The following HARS2 variants were observed in gnomAD, a reference collection of about 807,000 sequenced individuals.
The protein encoded by HARS2 is histidine--tRNA ligase, mitochondrial.
In HARS2, 40 loss-of-function variants were observed where a neutral mutation model predicts 62.4. The observed-to-expected ratio is 0.64, with a 90% CI of 0.50 to 0.83. HARS2 has a LOEUF of 0.83. Ranked by LOEUF, HARS2 falls within the 40% of genes least tolerant of loss-of-function variation. The pLI, the probability that HARS2 is intolerant of heterozygous loss-of-function variation, is 0.00. For missense variants in HARS2, 569 were observed against 626.4 expected (o/e 0.91, Z 0.98); for synonymous variants, 228 against 227.0 (o/e 1.00, Z -0.04).
rs1441036971 is a variant in HARS2, at chr5:140,691,499, C to T, written c.-150C>T. On this transcript the variant is annotated 5_prime_UTR_variant, in exon 1 of 13. Transcript: ENST00000230771. ...GGAACTTGGGAGGATCCCACCTCAGCCTTCGTGACTAGTGAGGTGCGCAAA... is the reference window on the plus strand; with the variant it reads ...GGAACTTGGGAGGATCCCACCTCAGTCTTCGTGACTAGTGAGGTGCGCAAA... The T allele has an allele frequency of 1.4e-5, 10 of 729,262 alleles. No individual in the cohort carries two copies. The highest frequency in any genetic ancestry group is 4.2e-5 in the Admixed American group (2 of 47,264). 45.2% of individuals were successfully genotyped at this position (729,262 alleles called of 1,614,324 possible). A position where few individuals can be genotyped will look rare whatever the true frequency, so the allele number is the denominator to read the frequency against.
chr5:140,693,556 A>G (rs1380616803), intron 1 of HARS2, 35 bp from the exon 2 acceptor site: 1 of 1,614,100 alleles, frequency 6.2e-7, no homozygotes, highest in Admixed American at 1.7e-5. Flanking sequence ...GCCAGTGTCC[A>G]GAGAAGCCAC....
chr5:140,692,786 G>C (rs112585944), intron 1 of HARS2, among the ~76,000 whole-genome samples: 1 of 151,962 alleles, frequency 6.6e-6, no homozygotes, highest in East Asian at 1.9e-4. Flanking sequence ...CCAGCTACTC[G>C]GGAGGCAGAG....
Position 140,697,028 on chromosome 5 carries a change from G to A in HARS2, c.912G>A (p.Lys304=). The A allele has an allele frequency of 6.2e-7, 1 of 1,614,116 alleles. No individual in the cohort carries two copies. Among genetic ancestry groups the A allele is most frequent in the East Asian group, 2.2e-5 (1 of 44,884 alleles). Residue 304 remains lysine (K), a synonymous_variant, in exon 9 of 13, where the codon AAG becomes AAA. Transcript: ENST00000230771. ...KQALEGLGDL[K]LLFEYLTLFG... ...CCCTGGAGGGCCTGGGAGACCTAAA[G>A]CTGCTATTTGAATACCTGACTTTAT...
At chr5:140,698,441 G>A in intron 12 of HARS2, 52 bp from the exon 13 acceptor site, 1 of 1,266,882 alleles carries the variant, frequency 7.9e-7, no homozygotes, top group Non-Finnish European at 1.2e-6. Context: ...CAGTGGCTAA[G>A]GAGTTAGTAT....
chr5:140,694,636 C>T (rs917976147), intron 4 of HARS2, among the ~76,000 whole-genome samples: 2 of 152,168 alleles, frequency 1.3e-5, no homozygotes, highest in African/African-American at 4.8e-5. Flanking sequence ...GAGGCTGAGG[C>T]AGGTGGATCA....
rs753513318 is a variant in HARS2 at position 140,697,957 on chromosome 5, C to T, written c.1340C>T (p.Pro447Leu). Residue 447 changes from proline to leucine, a missense_variant, in exon 12 of 13, where the codon CCC becomes CTC. Transcript: ENST00000230771. Reference protein sequence around the residue: ...IKAEMLYKNNPKLLTQLHYCE... With the variant: ...IKAEMLYKNNLKLLTQLHYCE... ...GCAGAGATGCTATACAAGAACAACC[C>T]CAAACTATTAACCCAGCTGCACTAT... 38 of 1,613,766 alleles carry T rather than the reference C, an allele frequency of 2.4e-5. No homozygotes were observed. The Admixed American group carries it at 6.2e-4, about 26-fold the overall frequency.
chr5:140,696,523 G>A lies in HARS2; in HGVS notation c.735G>A (p.Met245Ile), dbSNP rs1429271920. The A allele has an allele frequency of 6.2e-7, 1 of 1,612,070 alleles. No homozygotes were observed. Among genetic ancestry groups the A allele is most frequent in the Non-Finnish European group, 8.5e-7 (1 of 1,178,096 alleles). Residue 245 changes from methionine (M) to isoleucine (I), a missense_variant and splice_region_variant, in exon 8 of 13, where the codon ATG becomes ATA. Met to Ile is a conservative substitution (Grantham distance 10). Transcript: ENST00000230771. Reference protein sequence around the residue: ...ICSSIDKLDKMAWKDVRHEMV... With the variant: ...ICSSIDKLDKIAWKDVRHEMV... ...CTAATGTTTGGGTGTTTATGCAGAT[G>A]GCTTGGAAAGATGTGAGACATGAGA...
chr5:140,699,260 GT>G lies in HARS2; in HGVS notation c.*712del, dbSNP rs1418814817. 1.3e-5 allele frequency: 2 copies of G among 153,980 alleles called. No homozygotes were observed. The highest frequency in any genetic ancestry group is 2.9e-5 in the Non-Finnish European group (2 of 69,322). 9.5% of individuals were successfully genotyped at this position (153,980 alleles called of 1,614,324 possible). A position where few individuals can be genotyped will look rare whatever the true frequency, so the allele number is the denominator to read the frequency against. ...TATTCCATACCGTGCCATGGAGGCT[GT>G]TTTAGAAGTGGTTGGATAACATGTT... On this transcript the variant is annotated 3_prime_UTR_variant, in exon 13 of 13. Coordinates refer to ENST00000230771, the MANE Select transcript of HARS2 (RefSeq NM_012208.4).
intron 8 of HARS2, 57 bp downstream of exon 8, chr5:140,696,671 C>T: frequency 2.6e-6 from 3 of 1,160,636 alleles, no homozygotes; most frequent in Non-Finnish European, 3.9e-6. Flanking sequence ...GACATGTGCT[C>T]AAATTCTACC....
At chr5:140,691,944 G>A (rs929439037) in intron 1 of HARS2, 188 bp downstream of exon 1, 1 of 608,236 alleles carries the variant, frequency 1.6e-6, no homozygotes, top group African/African-American at 1.8e-5. Context: ...AGAGGTTGGA[G>A]TTTTGATTTC....
intron 1 of HARS2, 81 bp downstream of exon 1, chr5:140,691,837 G>C (rs576580190): frequency 6.1e-6 from 6 of 983,104 alleles, no homozygotes; most frequent in Non-Finnish European, 9.5e-6. Context: ...CTGTATTCCA[G>C]TAGTGTTACA....
At chr5:140,693,243 G>A (rs1351380218) in intron 1 of HARS2, among the ~76,000 whole-genome samples, 1 of 150,822 alleles carries the variant, frequency 6.6e-6, no homozygotes, top group East Asian at 2.0e-4. Flanking sequence ...TAAGGCAGGA[G>A]AATTGCTTGA....
At chr5:140,697,886 G>C in intron 11 of HARS2, 46 bp from the exon 12 acceptor site, 1 of 1,595,522 alleles carries the variant, frequency 6.3e-7, no homozygotes, top group Non-Finnish European at 8.6e-7. Context: ...GAGGTTTGTT[G>C]CTGTGTTCAC....
intron 1 of HARS2, among the ~76,000 whole-genome samples, chr5:140,692,850 C>G (rs1210506502): frequency 6.6e-6 from 1 of 151,592 alleles, no homozygotes; most frequent in African/African-American, 2.4e-5. Flanking sequence ...TGAGATCGTG[C>G]CACTGCACTC....
intron 1 of HARS2, chr5:140,692,076 G>A (rs774588003): frequency 2.8e-6 from 1 of 353,276 alleles, no homozygotes; most frequent in Non-Finnish European, 5.2e-6. Context: ...GACTCAAACA[G>A]TAACATTTTT....
intron 12 of HARS2, 73 bp downstream of exon 12, chr5:140,698,151 C>A: frequency 7.2e-7 from 1 of 1,379,566 alleles, no homozygotes; most frequent in Non-Finnish European, 1.0e-6. Flanking sequence ...AAATATGCAT[C>A]TTCTGGCTGA....
chr5:140,697,182 C>G lies in HARS2; in HGVS notation c.973C>G (p.Leu325Val). Residue 325 changes from leucine (L) to valine (V), a missense_variant, in exon 10 of 13, where the codon CTG becomes GTG. Leu to Val is a conservative substitution (Grantham distance 32). Coordinates refer to ENST00000230771, the MANE Select transcript of HARS2 (RefSeq NM_012208.4). ...IADKISFDLS[L>V]ARGLDYYTGV... is the part of the protein sequence containing the mutation. The stretch of plus-strand genomic sequence containing the variant: ...CCCACAGATCTCCTTTGACCTCAGC[C>G]TGGCTCGGGGCCTAGACTACTATAC... 6.2e-7 allele frequency: 1 copy of G among 1,614,266 alleles called. No homozygotes were observed. The highest frequency in any genetic ancestry group is 8.5e-7 in the Non-Finnish European group (1 of 1,180,046).
chr5:140,695,479 AT>A, intron 4 of HARS2, 28 bp from the exon 5 acceptor site: 1 of 1,613,588 alleles, frequency 6.2e-7, no homozygotes, highest in Non-Finnish European at 8.5e-7. Context: ...TGGATGCAGT[AT>A]CCCTCTTCCT....
In HARS2 at chr5:140,697,969, C is replaced by T. The variant is rs1759823711; in HGVS notation, c.1352C>T (p.Thr451Ile). The T allele has an allele frequency of 6.2e-7, 1 of 1,613,690 alleles. No individual in the cohort carries two copies. The highest frequency in any genetic ancestry group is 1.3e-5 in the African/African-American group (1 of 74,896). Reference sequence around the variant, plus strand: ...TACAAGAACAACCCCAAACTATTAACCCAGCTGCACTATTGTGAGAGCACA... The same window carrying T: ...TACAAGAACAACCCCAAACTATTAATCCAGCTGCACTATTGTGAGAGCACA... ...MLYKNNPKLL[T>I]QLHYCESTGI... Residue 451 changes from threonine to isoleucine, a missense_variant, in exon 12 of 13, where the codon ACC becomes ATC. Thr to Ile is a moderately conservative substitution (Grantham distance 89, BLOSUM62 -1). Transcript: ENST00000230771.
Sources: allele counts gnomAD v4.1 joint callset (sites outside exome capture counted in the v4.1 genomes callset), GRCh38; gene constraint gnomAD v4.1.1; transcripts MANE v1.5; gene names NCBI Gene and HGNC (gene_info 2026-07-23, HGNC 2026-07-21).